The following SLC28A2 variants were observed in gnomAD, a reference collection of about 807,000 sequenced individuals.
SLC28A2 encodes the protein sodium/nucleoside cotransporter 2.
Under a neutral mutation model 72.9 loss-of-function variants are expected in SLC28A2, and 69 were observed. The ratio of observed to expected loss-of-function variants is 0.95; its 90% CI spans 0.78 to 1.16. SLC28A2 has a LOEUF of 1.16. SLC28A2 is among the 50% of genes most tolerant of loss of function. SLC28A2 has a pLI of 0.00. For missense variants in SLC28A2, 745 were observed against 791.1 expected (o/e 0.94, Z 0.70); for synonymous variants, 296 against 294.1 (o/e 1.01, Z -0.07).
At chr15:45,254,647 G>A (rs1297798735) in intron 3 of SLC28A2, among the ~76,000 whole-genome samples, 1 of 152,162 alleles carries the variant, frequency 6.6e-6, no homozygotes, top group Non-Finnish European at 1.5e-5. Context: ...CTGTTGTTAA[G>A]TAACACATGA....
intron 17 of SLC28A2, among the ~76,000 whole-genome samples, chr15:45,274,687 C>T (rs1231674843): frequency 6.6e-6 from 1 of 151,572 alleles, no homozygotes; most frequent in East Asian, 1.9e-4. Context: ...TCTTTTGATG[C>T]ACTATTAAAG....
Position 45,267,675 on chromosome 15 carries a change from T to A in SLC28A2, c.1078T>A (p.Ser360Thr). ...GTCTGGCGCCTCACAGGTTGATGCA[T>A]CATCCCTGATTTCTGCCTCTGTGAT... ...GAFIAFGVDA[S>T]SLISASVMAA... is the part of the protein sequence containing the mutation. Residue 360 changes from serine (S) to threonine (T), a missense_variant, in exon 12 of 18, where the codon TCA becomes ACA. Coordinates refer to ENST00000347644, the MANE Select transcript of SLC28A2 (RefSeq NM_004212.4). 6.2e-7 allele frequency: 1 copy of A among 1,614,112 alleles called. No individual in the cohort carries two copies. Among genetic ancestry groups the A allele is most frequent in the African/African-American group, 1.3e-5 (1 of 75,018 alleles).
chr15:45,274,092 T>A (rs1436859874), intron 17 of SLC28A2, among the ~76,000 whole-genome samples: 1 of 152,080 alleles, frequency 6.6e-6, no homozygotes, highest in Non-Finnish European at 1.5e-5. Context: ...TGCCCAGCCT[T>A]AATTCAGTTT....
chr15:45,275,009 T>C (rs1900705974), intron 17 of SLC28A2, among the ~76,000 whole-genome samples: 1 of 152,138 alleles, frequency 6.6e-6, no homozygotes, highest in Non-Finnish European at 1.5e-5. Flanking sequence ...AAAGACAACG[T>C]TTTTGTCCAA....
chr15:45,270,356 T>A, intron 15 of SLC28A2, 80 bp downstream of exon 15: 1 of 952,016 alleles, frequency 1.1e-6, no homozygotes, highest in Non-Finnish European at 1.7e-6. Flanking sequence ...GGTGCTTCAG[T>A]ACAAGCTGGG....
Position 45,264,017 on chromosome 15 carries a change from A to G in SLC28A2, c.583A>G (p.Ser195Gly). The G allele has an allele frequency of 6.2e-7, 1 of 1,610,106 alleles. No individual in the cohort carries two copies. Among genetic ancestry groups the G allele is most frequent in the Non-Finnish European group, 8.5e-7 (1 of 1,177,992 alleles). The change falls in exon 6 of 18, where the codon AGC (serine) becomes GGC (glycine). Residue 195 changes from serine (S) to glycine (G), a missense_variant. Physicochemically the swap from Ser to Gly is moderately conservative, Grantham distance 56 (BLOSUM62 0). Transcript: ENST00000347644. ...LILFACSKHHSAVSWRTVFSG... is the reference protein window; with the variant it reads ...LILFACSKHHGAVSWRTVFSG... ...CCTCTTTGCCTGCTCCAAACACCACAGCGCAGTGAGTTTTGGGTATTTGGG... is the reference window on the plus strand; with the variant it reads ...CCTCTTTGCCTGCTCCAAACACCACGGCGCAGTGAGTTTTGGGTATTTGGG...
chr15:45,268,106 C>A, intron 12 of SLC28A2, 104 bp from the exon 13 acceptor site: 2 of 1,171,098 alleles, frequency 1.7e-6, no homozygotes, highest in South Asian at 1.5e-5. Context: ...CTACATTGGC[C>A]TTGCACCCTC....
At chr15:45,259,215 T>TA (rs146866148) in intron 3 of SLC28A2, among the ~76,000 whole-genome samples, 2,334 of 152,304 alleles carry the variant, frequency 0.015, 54 homozygotes, top group African/African-American at 0.054. Flanking sequence ...CACTTGCCAT[T>TA]AAAAAAACTA....
rs368570785 is a variant in SLC28A2, at chr15:45,267,307, GCTCA to G, written c.943-145_943-142del. 1.6e-4 allele frequency: 134 copies of G among 833,902 alleles called. 1 individual carries two copies. In the African/African-American group the frequency reaches 1.8e-3, roughly 11 times the overall value. 51.7% of individuals were successfully genotyped at this position (833,902 alleles called of 1,614,324 possible). A position where few individuals can be genotyped will look rare whatever the true frequency, so the allele number is the denominator to read the frequency against. On this transcript the variant is annotated intron_variant, in intron 10 of 17. Transcript: ENST00000347644. Reference sequence around the variant, plus strand: ...GATGGGCCTGACAGCCGGGCTCCGTGCTCACTAAGTGAAGCTGTGGCTCACTTAA... The same window carrying G: ...GATGGGCCTGACAGCCGGGCTCCGTGCTAAGTGAAGCTGTGGCTCACTTAA...
At chr15:45,261,139 G>C (rs978056964) in intron 3 of SLC28A2, among the ~76,000 whole-genome samples, 2 of 152,186 alleles carry the variant, frequency 1.3e-5, no homozygotes, top group Non-Finnish European at 2.9e-5. Context: ...ACCTTCTCTG[G>C]AGCTCCCAAG....
In SLC28A2 at chr15:45,272,375, A is replaced by G. The variant is rs368382912; in HGVS notation, c.1729A>G (p.Ile577Val). The G allele has an allele frequency of 8.2e-5, 132 of 1,613,806 alleles. No individual in the cohort carries two copies. Among genetic ancestry groups the G allele is most frequent in the Non-Finnish European group, 1.1e-4 (125 of 1,179,924 alleles). ...ALFTGACVSL[I>V]SACMAGILYV... The stretch of plus-strand genomic sequence containing the variant: ...CTTCACAGGGGCCTGTGTATCCCTT[A>G]TCAGTGCCTGTATGGCAGGTAGGTG... The change falls in exon 16 of 18, where the codon ATC becomes GTC. Residue 577 changes from isoleucine (I) to valine (V), a missense_variant. Coordinates refer to ENST00000347644, the MANE Select transcript of SLC28A2 (RefSeq NM_004212.4).
rs888637813 is a variant in SLC28A2 at position 45,258,240 on chromosome 15, AT to A, written c.171-3767del. Reference sequence around the variant, plus strand: ...CGTCTCAAAAATATATATACTATATATTTTTTTTGTCAAATTTTATTTTATT... The same window carrying A: ...CGTCTCAAAAATATATATACTATATATTTTTTTGTCAAATTTTATTTTATT... On this transcript the variant is annotated intron_variant, in intron 3 of 17. Transcript: ENST00000347644. Among the ~76,000 whole-genome samples the A allele has an allele frequency of 6.0e-4, 88 of 146,658 alleles. 1 individual carries two copies. Among genetic ancestry groups the A allele is most frequent in the African/African-American group, 2.0e-3 (81 of 41,082 alleles).
intron 10 of SLC28A2, 123 bp downstream of exon 10, chr15:45,266,284 G>A (rs922469245): frequency 2.8e-6 from 2 of 721,356 alleles, no homozygotes; most frequent in Admixed American, 2.2e-5. Context: ...GCCAATCTTG[G>A]ATGAGAGATA....
intron 13 of SLC28A2, 43 bp from the exon 14 acceptor site, chr15:45,269,295 A>G (rs766895301): frequency 1.9e-6 from 3 of 1,541,674 alleles, no homozygotes; most frequent in Non-Finnish European, 2.7e-6. Flanking sequence ...GACCTTTGTT[A>G]TATTAGTCCT....
At chr15:45,253,857 T>C (rs924504535) in intron 3 of SLC28A2, 4 of 164,026 alleles carry the variant, frequency 2.4e-5, no homozygotes, top group African/African-American at 9.5e-5. Flanking sequence ...CCTTTAGAAA[T>C]TAATTTACCA....
chr15:45,265,063 C>T, intron 7 of SLC28A2, 26 bp from the exon 8 acceptor site: 1 of 1,557,312 alleles, frequency 6.4e-7, no homozygotes, highest in Non-Finnish European at 8.9e-7. Flanking sequence ...TTCTTATTCT[C>T]TGTCTTTTTC....
intron 3 of SLC28A2, among the ~76,000 whole-genome samples, chr15:45,258,960 T>A (rs1004073276): frequency 6.6e-6 from 1 of 152,232 alleles, no homozygotes; most frequent in African/African-American, 2.4e-5. Context: ...GGCAGTGTTA[T>A]GAGAGCATGT....
Position 45,270,253 on chromosome 15 carries a change from T to C in SLC28A2, c.1625T>C (p.Ile542Thr), listed in dbSNP as rs748704179. ...SLCGFANLSSIGITLGGLTSI... is the reference protein window; with the variant it reads ...SLCGFANLSSTGITLGGLTSI... ...TGTGGATTTGCCAATCTTAGTTCCA[T>C]AGGAATCACACTTGGAGGCTTGAGT... Residue 542 changes from isoleucine to threonine, a missense_variant, in exon 15 of 18, where the codon ATA becomes ACA. Physicochemically the swap from Ile to Thr is moderately conservative, Grantham distance 89 (BLOSUM62 -1). Transcript: ENST00000347644. 3 of 1,613,196 alleles carry C rather than the reference T, an allele frequency of 1.9e-6. No individual in the cohort carries two copies. Among genetic ancestry groups the C allele is most frequent in the Non-Finnish European group, 2.5e-6 (3 of 1,179,104 alleles).
intron 15 of SLC28A2, among the ~76,000 whole-genome samples, chr15:45,270,621 T>G (rs1381137803): frequency 6.6e-6 from 1 of 151,754 alleles, no homozygotes; most frequent in Admixed American, 6.6e-5. Flanking sequence ...AAGATATTTA[T>G]TTATTTATTT....
Sources: allele counts gnomAD v4.1 joint callset (sites outside exome capture counted in the v4.1 genomes callset), GRCh38; gene constraint gnomAD v4.1.1; transcripts MANE v1.5; gene names NCBI Gene and HGNC (gene_info 2026-07-23, HGNC 2026-07-21).